C1orf87: variants seen among roughly 807,000 people sequenced by gnomAD.
The protein encoded by C1orf87 is chromosome 1 open reading frame 87.
A neutral mutation model predicts 60.5 loss-of-function variants in C1orf87; 58 were observed. The observed-to-expected ratio is 0.96, with a 90% confidence interval of 0.78 to 1.19. The LOEUF (loss-of-function observed/expected upper bound fraction) is 1.19, where lower values mean the gene tolerates loss of function less well. Ranked by LOEUF, C1orf87 falls within the 50% of genes most tolerant of loss-of-function variation. The pLI is 0.00. For missense variants in C1orf87, 673 were observed against 638.6 expected, an observed-to-expected ratio of 1.05 and a Z score of -0.58; for synonymous variants, 236 against 227.4, an observed-to-expected ratio of 1.04 and a Z score of -0.34.
chr1:59,991,129 T>G (rs1001441068), intron 11 of C1orf87, among the ~76,000 whole-genome samples: 6 of 152,228 alleles, frequency 3.9e-5, no homozygotes, highest in Admixed American at 2.0e-4. Context: ...CTTTAAAACT[T>G]GTAAGGCCAA....
chr1:60,058,686 C>T (rs1192878651), intron 2 of C1orf87, among the ~76,000 whole-genome samples: 2 of 152,076 alleles, frequency 1.3e-5, no homozygotes, highest in Admixed American at 6.6e-5. Flanking sequence ...TGTGATTGGC[C>T]TAACTCTATT....
At position 60,025,517 on chromosome 1, in the gene C1orf87, T is replaced by TA. The variant is rs763957625; in HGVS notation, c.1030-20dup. On this transcript the variant is annotated intron_variant, in intron 7 of 11. Transcript: ENST00000371201. The stretch of plus-strand genomic sequence containing the variant: ...CCCTGACCTACAAGTTAAAAAAAAA[T>TA]AAAAAAGATTTGATGTTTCACTAGG... The TA allele has an allele frequency of 6.5e-7, 1 of 1,534,652 alleles. No homozygotes were observed. Among genetic ancestry groups the TA allele is most frequent in the Non-Finnish European group, 8.8e-7 (1 of 1,132,306 alleles).
intron 2 of C1orf87, among the ~76,000 whole-genome samples, chr1:60,061,122 G>C (rs1026801545): frequency 2.0e-5 from 3 of 152,120 alleles, no homozygotes; most frequent in African/African-American, 7.2e-5. Context: ...TGGTCTATGG[G>C]AACGAGGAGC....
At chr1:60,016,465 T>A (rs772106414) in intron 8 of C1orf87, among the ~76,000 whole-genome samples, 19 of 152,228 alleles carry the variant, frequency 1.2e-4, no homozygotes. Flanking sequence ...TGTACTAAGT[T>A]ATATTCTTTC....
chr1:60,068,029 T>C (rs554277972), intron 2 of C1orf87, among the ~76,000 whole-genome samples: 69 of 152,130 alleles, frequency 4.5e-4, no homozygotes, highest in Admixed American at 1.6e-3. Context: ...GATTGGATGG[T>C]TGTAGATGTG....
chr1:60,032,898 G>A (rs1264006902), intron 7 of C1orf87, among the ~76,000 whole-genome samples: 8 of 152,306 alleles, frequency 5.3e-5, no homozygotes, highest in East Asian at 1.9e-4. Context: ...ATGATGAGGT[G>A]TTGCTAACAG....
chr1:60,060,618 ATAAT>A (rs1028089076), intron 2 of C1orf87, among the ~76,000 whole-genome samples: 2 of 152,216 alleles, frequency 1.3e-5, no homozygotes, highest in African/African-American at 4.8e-5. Flanking sequence ...AAAAAGAGAG[ATAAT>A]TAATGCAATC....
chr1:60,064,791 TA>T (rs1457349340), intron 2 of C1orf87, among the ~76,000 whole-genome samples: 1 of 92,738 alleles, frequency 1.1e-5, no homozygotes, highest in Non-Finnish European at 1.9e-5. Flanking sequence ...AAATATATAT[TA>T]AATATATAAT....
intron 9 of C1orf87, among the ~76,000 whole-genome samples, chr1:60,006,918 A>G (rs1645050685): frequency 7.0e-6 from 1 of 143,176 alleles, no homozygotes; most frequent in Non-Finnish European, 1.5e-5. Flanking sequence ...TCTCTTGCAT[A>G]CTTTTTTTTT....
At chr1:60,023,729 T>A (rs138410520) in intron 8 of C1orf87, among the ~76,000 whole-genome samples, 1 of 152,302 alleles carries the variant, frequency 6.6e-6, no homozygotes, top group East Asian at 1.9e-4. Flanking sequence ...TTCTTTTCTG[T>A]TCCAGATTCC....
At chr1:60,033,361 T>C (rs1645252656) in intron 7 of C1orf87, 115 bp downstream of exon 7, 1 of 948,394 alleles carries the variant, frequency 1.1e-6, no homozygotes, top group South Asian at 2.5e-5. Flanking sequence ...AACAAACAAC[T>C]GTGTAATGTA....
rs760891940 is a variant in C1orf87 at position 60,039,963 on chromosome 1, A to C, written c.701T>G (p.Val234Gly). 4 of 1,614,148 alleles carry C rather than the reference A, an allele frequency of 2.5e-6. No homozygotes were observed. The Admixed American group carries it at 6.7e-5, about 27-fold the overall frequency. Residue 234 changes from valine (V) to glycine (G), a missense_variant, in exon 5 of 12, where the codon GTT becomes GGT. Physicochemically the swap from Val to Gly is moderately radical, Grantham distance 109 (BLOSUM62 -3). Transcript: ENST00000371201. ...KHEVPLQLPT[V>G]KILCQRFSKR... ...AGAAAATCTCTGACAAAGGATTTTA[A>C]CTGTTGGTAACTGTAGAGGGACTTC...
At chr1:60,039,863 T>A in intron 5 of C1orf87, 54 bp downstream of exon 5, 1 of 1,551,356 alleles carries the variant, frequency 6.4e-7, no homozygotes, top group South Asian at 1.2e-5. Context: ...CCCTTGTGGG[T>A]ACAAGTTAAG....
intron 8 of C1orf87, 111 bp downstream of exon 8, chr1:60,025,290 C>T (rs1645191277): frequency 1.4e-5 from 11 of 803,598 alleles, no homozygotes; most frequent in Non-Finnish European, 2.2e-5. Context: ...ACCTAATCAC[C>T]TCCCAAACCA....
At chr1:60,036,059 A>G (rs1008385787) in intron 6 of C1orf87, among the ~76,000 whole-genome samples, 2 of 152,208 alleles carry the variant, frequency 1.3e-5, no homozygotes, top group African/African-American at 4.8e-5. Context: ...TATTATATGA[A>G]GGATAGTTGC....
rs185044036 is a variant in C1orf87 at position 60,011,347 on chromosome 1, G to A, written c.1128-891C>T. Among the ~76,000 whole-genome samples the A allele has an allele frequency of 1.5e-3, 224 of 151,954 alleles. 1 individual carries two copies. Among genetic ancestry groups the A allele is most frequent in the Non-Finnish European group, 2.5e-3 (172 of 67,932 alleles). ...TTGAATACAGTATGGATGGGACTAC[G>A]GTATGGTCAAAGTCCCATACCTTGC... On this transcript the variant is annotated intron_variant, in intron 8 of 11. Transcript: ENST00000371201.
intron 2 of C1orf87, among the ~76,000 whole-genome samples, chr1:60,061,351 T>C (rs1214615706): frequency 1.3e-5 from 2 of 152,144 alleles, no homozygotes; most frequent in Non-Finnish European, 2.9e-5. Flanking sequence ...AAAGATTGAT[T>C]GTAATCAACC....
rs984157287 is a variant in C1orf87, at chr1:60,042,229, A to T, written c.343-1098T>A. On this transcript the variant is annotated intron_variant, in intron 3 of 11. Coordinates refer to ENST00000371201, the MANE Select transcript of C1orf87 (RefSeq NM_152377.3). ...ATCAAGACACATGGTTATTTTATTT[A>T]TTTTATTTATTTATTTATTTTTGAG... Among the ~76,000 whole-genome samples, 11 of 152,178 alleles carry T rather than the reference A, an allele frequency of 7.2e-5. No homozygotes were observed. The East Asian group carries it at 9.7e-4, about 13-fold the overall frequency.
At chr1:60,062,122 G>A (rs1237960355) in intron 2 of C1orf87, among the ~76,000 whole-genome samples, 4 of 152,128 alleles carry the variant, frequency 2.6e-5, no homozygotes, top group Non-Finnish European at 5.9e-5. Context: ...CCTTTATTTA[G>A]TTTCGGTAAC....
Sources: allele counts gnomAD v4.1 joint callset (sites outside exome capture counted in the v4.1 genomes callset), GRCh38; gene constraint gnomAD v4.1.1; transcripts MANE v1.5; gene names NCBI Gene and HGNC (gene_info 2026-07-23, HGNC 2026-07-21).